Variants in SIK3 observed in about 807,000 individuals in gnomAD.
SIK3 encodes SIK family kinase 3, also known as serine/threonine-protein kinase SIK3.
Under a neutral mutation model 144.2 loss-of-function variants are expected in SIK3, and 28 were observed. The observed-to-expected ratio is 0.19, with a 90% CI of 0.14 to 0.27. SIK3 has a LOEUF of 0.27. SIK3 is among the 10% of genes least tolerant of loss of function. The pLI, the probability that SIK3 is intolerant of heterozygous loss-of-function variation, is 1.00. For synonymous variants in SIK3, 686 were observed against 676.3 expected, an observed-to-expected ratio of 1.01 and a Z score of -0.22; for missense variants, 1,319 against 1,776.0, an observed-to-expected ratio of 0.74 and a Z score of 4.62.
intron 1 of SIK3, among the ~76,000 whole-genome samples, chr11:117,086,037 A>G (rs527245057): frequency 6.6e-6 from 1 of 152,340 alleles, no homozygotes; most frequent in Admixed American, 6.5e-5. Context: ...CCCCTCAATT[A>G]ACTAAGCACA....
intron 1 of SIK3, among the ~76,000 whole-genome samples, chr11:116,996,508 C>A (rs1430344089): frequency 6.6e-6 from 1 of 151,708 alleles, no homozygotes; most frequent in Admixed American, 6.6e-5. Context: ...AGGGGGAGAC[C>A]CAACAGGATT....
rs775615697 is a variant in SIK3, at chr11:116,858,510, C to T, written c.2955G>A (p.Gln985=). The change falls in exon 21 of 25, where the codon CAG becomes CAA. Residue 985 remains glutamine (Q), a synonymous_variant. Transcript: ENST00000445177. The surrounding 1 kb of genome is among the most constrained non-coding windows in gnomAD (Gnocchi z 5.4). ...CCGACGTGGTATAGTGTGGCGGCTG[C>T]TGATGTGCACTGGGAGGGAAGGTGG... is the stretch of plus-strand genomic sequence containing the variant. The part of the protein sequence containing the change: ...QFPTFPPSAH[Q]QPPHYTTSAL... The T allele has an allele frequency of 1.2e-6, 2 of 1,611,640 alleles. No individual in the cohort carries two copies. Among genetic ancestry groups the T allele is most frequent in the Admixed American group, 1.7e-5 (1 of 59,822 alleles).
chr11:117,019,621 CTTTT>C (rs570744315), intron 1 of SIK3, among the ~76,000 whole-genome samples: 10 of 146,490 alleles, frequency 6.8e-5, no homozygotes, highest in African/African-American at 2.5e-4. Flanking sequence ...TCAACCCCTT[CTTTT>C]TTTTTTTTGA....
chr11:116,933,583 TG>T (rs1313669586), intron 3 of SIK3, among the ~76,000 whole-genome samples: 1 of 152,206 alleles, frequency 6.6e-6, no homozygotes, highest in African/African-American at 2.4e-5. Context: ...ATTAAACAAT[TG>T]TGTATAGAAT....
chr11:116,868,530 G>C (rs537391619), intron 14 of SIK3, among the ~76,000 whole-genome samples: 1 of 152,144 alleles, frequency 6.6e-6, no homozygotes, highest in South Asian at 2.1e-4. Context: ...CATGTCTCTC[G>C]ATCTCACAGG....
intron 14 of SIK3, chr11:116,870,037 A>G (rs780634066): frequency 8.4e-7 from 1 of 1,187,006 alleles, no homozygotes; most frequent in Non-Finnish European, 1.1e-6. Context: ...TGTGAATACT[A>G]TCAGAGTTGC....
At chr11:116,927,471 C>G (rs576234680) in intron 3 of SIK3, 91 bp from the exon 4 acceptor site, 3 of 1,276,442 alleles carry the variant, frequency 2.4e-6, no homozygotes, top group East Asian at 2.4e-5. Flanking sequence ...GGGGCCCTCT[C>G]GAGTGAGTTA....
intron 1 of SIK3, among the ~76,000 whole-genome samples, chr11:117,061,576 T>C (rs963377004): frequency 6.6e-6 from 1 of 152,152 alleles, no homozygotes; most frequent in Non-Finnish European, 1.5e-5. Context: ...AAGTACTCAA[T>C]AAATCTTAGT....
At chr11:116,923,430 C>G (rs898900822) in intron 4 of SIK3, among the ~76,000 whole-genome samples, 2 of 152,100 alleles carry the variant, frequency 1.3e-5, no homozygotes, top group African/African-American at 4.8e-5. Flanking sequence ...TCCAACCTAC[C>G]TCTCCAAAAT....
At position 116,863,971 on chromosome 11, in the gene SIK3, C is replaced by T. The variant is rs1591406679; in HGVS notation, c.1953-153G>A. On this transcript the variant is annotated intron_variant, in intron 15 of 24. Coordinates refer to ENST00000445177, the MANE Select transcript of SIK3 (RefSeq NM_001366686.3). The stretch of plus-strand genomic sequence containing the variant: ...TTTCATGCCATTTCCAGACATCAGT[C>T]GTTTCCCTAGCCTGCTTCCCTTTAG... The T allele has an allele frequency of 9.7e-6, 7 of 723,672 alleles. No individual in the cohort carries two copies. The Admixed American group carries it at 1.3e-4, about 13-fold the overall frequency. The allele number at this position is 723,672 out of a possible 1,614,324, so 44.8% of individuals were successfully genotyped here. A position where few individuals can be genotyped will look rare whatever the true frequency, so the allele number is the denominator to read the frequency against.
chr11:116,904,720 T>C (rs1203742299), intron 4 of SIK3: 1 of 152,250 alleles, frequency 6.6e-6, no homozygotes, highest in Admixed American at 6.5e-5. Context: ...TGTTATTCTT[T>C]TTTCTTTTTA....
At chr11:116,853,772 G>A (rs963583935) in intron 21 of SIK3, among the ~76,000 whole-genome samples, 1 of 152,246 alleles carries the variant, frequency 6.6e-6, no homozygotes, top group East Asian at 1.9e-4. Flanking sequence ...TAATCTCATG[G>A]TGTAGATTGG....
At chr11:116,891,006 T>C (rs1945073760) in intron 6 of SIK3, among the ~76,000 whole-genome samples, 2 of 152,172 alleles carry the variant, frequency 1.3e-5, no homozygotes, top group African/African-American at 2.4e-5. Flanking sequence ...GCACTGTACA[T>C]AGTAAGGTAA....
intron 1 of SIK3, among the ~76,000 whole-genome samples, chr11:116,999,914 T>C (rs1435598967): frequency 2.0e-5 from 3 of 152,224 alleles, no homozygotes; most frequent in African/African-American, 7.2e-5. Flanking sequence ...TTATTTTCCA[T>C]TGAAATCATG....
At chr11:117,072,982 G>A (rs550244827) in intron 1 of SIK3, among the ~76,000 whole-genome samples, 1 of 152,330 alleles carries the variant, frequency 6.6e-6, no homozygotes, top group South Asian at 2.1e-4. Context: ...AAACTTTACA[G>A]TGGGAGAAGA....
At chr11:117,040,814 ATTTTCTTTTC>A (rs984361301) in intron 1 of SIK3, among the ~76,000 whole-genome samples, 1 of 151,966 alleles carries the variant, frequency 6.6e-6, no homozygotes, top group Non-Finnish European at 1.5e-5. Context: ...CTATCATCAT[ATTTTCTTTTC>A]TTTTCTTTTT....
chr11:116,849,216 A>T lies in SIK3; in HGVS notation c.3723T>A (p.Asn1241Lys). The change falls in exon 22 of 25, where the codon AAT becomes AAA. Residue 1241 changes from asparagine to lysine, a missense_variant. Coordinates refer to ENST00000445177, the MANE Select transcript of SIK3 (RefSeq NM_001366686.3). This position sits in a 1 kb window ranked among gnomAD's most constrained non-coding sequence, Gnocchi z 4.2. ...AGGGGCGTGCTGGGTACCCGAGCCCATTGTGATCCGGCAGCTCCACTGCTT... is the reference window on the plus strand; with the variant it reads ...AGGGGCGTGCTGGGTACCCGAGCCCTTTGTGATCCGGCAGCTCCACTGCTT... The part of the protein sequence containing the change: ...PGQAVELPDH[N>K]GLGYPARPSV... The T allele has an allele frequency of 6.2e-7, 1 of 1,614,144 alleles. No individual in the cohort carries two copies. The highest frequency in any genetic ancestry group is 1.3e-5 in the African/African-American group (1 of 75,026).
intron 1 of SIK3, among the ~76,000 whole-genome samples, chr11:117,023,803 A>G (rs937927128): frequency 6.6e-6 from 1 of 151,428 alleles, no homozygotes; most frequent in Non-Finnish European, 1.5e-5. Flanking sequence ...CAGCCTCTCA[A>G]GTAGCTGGGA....
chr11:117,076,596 G>A (rs1954550389), intron 1 of SIK3, among the ~76,000 whole-genome samples: 1 of 151,620 alleles, frequency 6.6e-6, no homozygotes, highest in South Asian at 2.1e-4. Flanking sequence ...GCGCGATCTT[G>A]GCTCACTGCA....
Sources: gnomAD v4.1 joint callset for allele counts (sites outside exome capture counted in the v4.1 genomes callset) on GRCh38, gnomAD v4.1.1 for gene constraint, Gnocchi (gnomAD v3.1) non-coding constraint, MANE v1.5 for transcripts, NCBI Gene and HGNC (gene_info 2026-07-23, HGNC 2026-07-21) for gene names.